CA10: variants seen among roughly 807,000 people sequenced by gnomAD.
The protein encoded by CA10 is carbonic anhydrase 10 (inactive).
CA10 carries 14 observed loss-of-function variants against 44.2 expected under a neutral mutation model. That is an observed-to-expected ratio of 0.32 (90% confidence interval 0.21 to 0.50). CA10 has a LOEUF of 0.50. Among genes scored for constraint, CA10 ranks in the 20% least tolerant of loss-of-function variants. CA10 has a pLI of 0.99. For missense variants in CA10, 350 were observed against 409.7 expected, an observed-to-expected ratio of 0.85 and a Z score of 1.26; for synonymous variants, 159 against 141.6, an observed-to-expected ratio of 1.12 and a Z score of -0.87.
At chr17:51,677,896 C>T (rs117141525) in intron 4 of CA10, among the ~76,000 whole-genome samples, 1 of 142,176 alleles carries the variant, frequency 7.0e-6, no homozygotes, top group South Asian at 2.3e-4. Flanking sequence ...CCCCCCCCCC[C>T]ACCGGCTGCC....
chr17:51,948,930 C>A (rs203005), intron 2 of CA10, among the ~76,000 whole-genome samples: 147,831 of 152,252 alleles, frequency 0.97, 71,886 homozygotes, highest in East Asian at 1. Context: ...TGATAGATCA[C>A]TATTACTGTC....
chr17:51,717,868 T>TATATACACACACAC (rs1555589918), intron 4 of CA10, among the ~76,000 whole-genome samples: 1 of 105,924 alleles, frequency 9.4e-6, no homozygotes, highest in African/African-American at 4.0e-5. Context: ...TATATATATA[T>TATATACACACACAC]ACAGGATAGA....
At chr17:52,146,314 C>T (rs1379791796) in intron 1 of CA10, among the ~76,000 whole-genome samples, 1 of 152,142 alleles carries the variant, frequency 6.6e-6, no homozygotes, top group Non-Finnish European at 1.5e-5. Context: ...AATCCCACCA[C>T]TTTGGGAGGC....
intron 2 of CA10, among the ~76,000 whole-genome samples, chr17:52,050,819 A>G (rs1490146190): frequency 6.6e-6 from 1 of 152,066 alleles, no homozygotes; most frequent in East Asian, 1.9e-4. Flanking sequence ...GAATGTGCAT[A>G]CTTTGAAAAT....
intron 1 of CA10, among the ~76,000 whole-genome samples, chr17:52,122,558 C>A (rs1423049619): frequency 1.3e-5 from 2 of 152,150 alleles, no homozygotes; most frequent in Non-Finnish European, 2.9e-5. Context: ...CCTTGCTTAT[C>A]CCATGCTTAT....
At chr17:52,070,268 C>T (rs1987644337) in intron 2 of CA10, among the ~76,000 whole-genome samples, 1 of 152,088 alleles carries the variant, frequency 6.6e-6, no homozygotes, top group South Asian at 2.1e-4. Flanking sequence ...TTCAAGCATC[C>T]CCCATGTTTC....
At chr17:52,056,172 T>C (rs924595781) in intron 2 of CA10, among the ~76,000 whole-genome samples, 5 of 151,920 alleles carry the variant, frequency 3.3e-5, no homozygotes, top group African/African-American at 1.2e-4. Flanking sequence ...TCTATAAATA[T>C]GCACTCTTCC....
intron 3 of CA10, among the ~76,000 whole-genome samples, chr17:51,782,574 A>C (rs1311985008): frequency 1.3e-5 from 2 of 152,164 alleles, no homozygotes; most frequent in Admixed American, 6.5e-5. Context: ...TTCATTCTCC[A>C]TGGAGCCAGG....
chr17:51,774,445 C>T (rs1598038639), intron 3 of CA10, among the ~76,000 whole-genome samples: 2 of 146,450 alleles, frequency 1.4e-5, no homozygotes, highest in Admixed American at 6.8e-5. Context: ...CATTTAAGGT[C>T]TTTTTTTTTT....
chr17:51,896,033 C>A (rs1260794308), intron 3 of CA10, among the ~76,000 whole-genome samples: 1 of 151,732 alleles, frequency 6.6e-6, no homozygotes, highest in African/African-American at 2.4e-5. Flanking sequence ...TTAAAAAAAT[C>A]AACTTCATCA....
chr17:52,029,682 C>T (rs1986407531), intron 2 of CA10, among the ~76,000 whole-genome samples: 1 of 152,110 alleles, frequency 6.6e-6, no homozygotes, highest in Non-Finnish European at 1.5e-5. Flanking sequence ...ATAGTGGTAC[C>T]TGATTCAGTC....
chr17:51,841,669 A>G (rs906816259), intron 3 of CA10, among the ~76,000 whole-genome samples: 5 of 152,254 alleles, frequency 3.3e-5, no homozygotes, highest in African/African-American at 1.2e-4. Flanking sequence ...CAAGCAAAGC[A>G]CACAGTATGG....
intron 2 of CA10, among the ~76,000 whole-genome samples, chr17:51,999,609 T>C (rs1985353090): frequency 6.6e-6 from 1 of 152,042 alleles, no homozygotes; most frequent in Non-Finnish European, 1.5e-5. Context: ...GGACATCCTC[T>C]GTGTGTTCAT....
intron 3 of CA10, among the ~76,000 whole-genome samples, chr17:51,751,159 T>G (rs1314895024): frequency 1.3e-5 from 2 of 152,248 alleles, no homozygotes; most frequent in African/African-American, 2.4e-5. Flanking sequence ...AAGTCCCTTC[T>G]TATCAGTAAT....
At chr17:51,745,135 G>A (rs868269187) in intron 4 of CA10, among the ~76,000 whole-genome samples, 1 of 152,080 alleles carries the variant, frequency 6.6e-6, no homozygotes, top group Non-Finnish European at 1.5e-5. Flanking sequence ...CCATTTCCAG[G>A]GGACAATTAC....
intron 3 of CA10, among the ~76,000 whole-genome samples, chr17:51,774,089 T>C (rs1905714670): frequency 6.6e-6 from 1 of 152,212 alleles, no homozygotes; most frequent in Non-Finnish European, 1.5e-5. Flanking sequence ...GGTATAGGGC[T>C]GGGGATATTA....
At chr17:51,751,475 G>A (rs184917031) in intron 3 of CA10, among the ~76,000 whole-genome samples, 1 of 152,264 alleles carries the variant, frequency 6.6e-6, no homozygotes, top group East Asian at 1.9e-4. Context: ...TTGCCCTCAC[G>A]AGGTTGTGAT....
intron 3 of CA10, among the ~76,000 whole-genome samples, chr17:51,911,219 C>G (rs886904729): frequency 3.3e-5 from 5 of 152,138 alleles, no homozygotes; most frequent in Admixed American, 3.3e-4. Flanking sequence ...AAGCTTGAAT[C>G]AGACCTCCCC....
At chr17:51,772,490 A>G (rs1275231548) in intron 3 of CA10, among the ~76,000 whole-genome samples, 1 of 152,176 alleles carries the variant, frequency 6.6e-6, no homozygotes, top group African/African-American at 2.4e-5. Flanking sequence ...TGTTTCAGTA[A>G]TTAAGGCCAT....
Sources: allele counts gnomAD v4.1 joint callset (sites outside exome capture counted in the v4.1 genomes callset), GRCh38; gene constraint gnomAD v4.1.1; transcripts MANE v1.5; gene names NCBI Gene and HGNC (gene_info 2026-07-23, HGNC 2026-07-21).